PRKCB: variants seen among roughly 807,000 people sequenced by gnomAD.
PRKCB encodes the protein protein kinase C beta.
A neutral mutation model predicts 81.5 loss-of-function variants in PRKCB; 13 were observed. The ratio of observed to expected loss-of-function variants is 0.16; its 90% CI spans 0.10 to 0.25. PRKCB has a LOEUF of 0.25. Ranked by LOEUF, PRKCB falls within the 10% of genes least tolerant of loss-of-function variation. PRKCB has a pLI of 1.00. For synonymous variants in PRKCB, 335 were observed against 321.4 expected (o/e 1.04, Z -0.45); for missense variants, 509 against 875.7 (o/e 0.58, Z 5.29).
chr16:24,210,215 T>C (rs1439514971), intron 16 of PRKCB, among the ~76,000 whole-genome samples: 1 of 152,206 alleles, frequency 6.6e-6, no homozygotes, highest in East Asian at 1.9e-4. Flanking sequence ...GAAAATCCAC[T>C]GTCCTTACAT....
chr16:23,899,430 T>G (rs1381581850), intron 2 of PRKCB, among the ~76,000 whole-genome samples: 1 of 152,196 alleles, frequency 6.6e-6, no homozygotes, highest in Non-Finnish European at 1.5e-5. Context: ...CTGCTGAGGA[T>G]CAGGGCCATT....
At chr16:24,056,251 T>A (rs571492920) in intron 5 of PRKCB, among the ~76,000 whole-genome samples, 1 of 152,320 alleles carries the variant, frequency 6.6e-6, no homozygotes, top group East Asian at 1.9e-4. Flanking sequence ...CATTCATACC[T>A]CCTGGCATCA....
chr16:23,862,579 G>C (rs1004948003), intron 2 of PRKCB, among the ~76,000 whole-genome samples: 1 of 152,108 alleles, frequency 6.6e-6, no homozygotes, highest in East Asian at 1.9e-4. Context: ...GTTCACTTTC[G>C]AGTAATTTCA....
At chr16:24,082,977 C>G (rs1966269064) in intron 5 of PRKCB, among the ~76,000 whole-genome samples, 1 of 152,164 alleles carries the variant, frequency 6.6e-6, no homozygotes, top group Non-Finnish European at 1.5e-5. Context: ...TCAGAACTCT[C>G]AGACTCATTT....
chr16:24,107,898 G>C (rs1966598720), intron 7 of PRKCB, among the ~76,000 whole-genome samples: 1 of 152,206 alleles, frequency 6.6e-6, no homozygotes, highest in African/African-American at 2.4e-5. Flanking sequence ...AAATACTCTA[G>C]ATGGTTCACA....
chr16:23,952,036 G>A (rs1398225923), intron 2 of PRKCB, among the ~76,000 whole-genome samples: 1 of 152,204 alleles, frequency 6.6e-6, no homozygotes, highest in Admixed American at 6.5e-5. Flanking sequence ...CTAGGGACTA[G>A]TGCAAAGCTG....
chr16:24,078,593 C>T (rs1308450458), intron 5 of PRKCB, among the ~76,000 whole-genome samples: 2 of 152,166 alleles, frequency 1.3e-5, no homozygotes, highest in Non-Finnish European at 2.9e-5. Context: ...TGCATCAAGC[C>T]CTGAAAACTC....
In PRKCB at chr16:24,185,097, C is replaced by T. The variant is rs546089598; in HGVS notation, c.1534-14C>T. 1.2e-4 allele frequency: 191 copies of T among 1,612,272 alleles called. 2 individuals carry two copies. The South Asian group carries it at 1.9e-3, about 16-fold the overall frequency. On this transcript the variant is annotated splice_polypyrimidine_tract_variant and intron_variant, in intron 13 of 16. Coordinates refer to ENST00000643927, the MANE Select transcript of PRKCB (RefSeq NM_002738.7). The stretch of plus-strand genomic sequence containing the variant: ...ACTGCAAACCTCCCTGATAGGGTGC[C>T]TTCTCTTTTCTAGATAATTGCTTAT...
At chr16:23,999,944 T>C (rs543834781) in intron 3 of PRKCB, among the ~76,000 whole-genome samples, 1 of 152,174 alleles carries the variant, frequency 6.6e-6, no homozygotes, top group African/African-American at 2.4e-5. Context: ...TCGGCCTGTG[T>C]GATTTGGCTC....
chr16:24,051,330 T>C (rs1336362392), intron 5 of PRKCB, among the ~76,000 whole-genome samples: 1 of 152,148 alleles, frequency 6.6e-6, no homozygotes, highest in East Asian at 1.9e-4. Context: ...ACTCTGGGTG[T>C]AGAGGCTGTC....
chr16:23,873,328 G>A (rs1415504244), intron 2 of PRKCB, among the ~76,000 whole-genome samples: 3 of 150,680 alleles, frequency 2.0e-5, no homozygotes, highest in Admixed American at 1.3e-4. Flanking sequence ...AGCCGAAATC[G>A]TGCCATTGCA....
At chr16:24,193,287 G>C (rs1278368599) in intron 16 of PRKCB, among the ~76,000 whole-genome samples, 1 of 151,466 alleles carries the variant, frequency 6.6e-6, no homozygotes, top group Non-Finnish European at 1.5e-5. Context: ...TACTAAAAAA[G>C]TACAAAAAAT....
At chr16:23,876,321 A>G (rs1369992832) in intron 2 of PRKCB, among the ~76,000 whole-genome samples, 6 of 152,200 alleles carry the variant, frequency 3.9e-5, no homozygotes, top group Admixed American at 3.9e-4. Context: ...TGGAAGTTTA[A>G]CTTGTCACTA....
chr16:23,918,084 G>C (rs1963768918), intron 2 of PRKCB, among the ~76,000 whole-genome samples: 2 of 152,182 alleles, frequency 1.3e-5, no homozygotes, highest in South Asian at 4.1e-4. Flanking sequence ...AGACTTCTTA[G>C]AGCCGGCTGG....
intron 2 of PRKCB, among the ~76,000 whole-genome samples, chr16:23,949,965 C>T (rs900570037): frequency 6.6e-6 from 1 of 151,912 alleles, no homozygotes; most frequent in Non-Finnish European, 1.5e-5. Context: ...ACACCCAGAG[C>T]CTCTCCTTTC....
At chr16:23,965,132 A>G (rs1251482708) in intron 2 of PRKCB, among the ~76,000 whole-genome samples, 4 of 152,176 alleles carry the variant, frequency 2.6e-5, no homozygotes, top group Admixed American at 2.6e-4. Flanking sequence ...ACCTGATAGT[A>G]GTTTTTGATC....
At chr16:23,933,902 C>CCCGT in intron 2 of PRKCB, among the ~76,000 whole-genome samples, 1 of 132,584 alleles carries the variant, frequency 7.5e-6, no homozygotes, top group East Asian at 2.3e-4. Context: ...CAATTTTCTA[C>CCCGT]CCATCCATCC....
chr16:24,015,702 C>G (rs113414394), intron 3 of PRKCB, among the ~76,000 whole-genome samples: 51 of 152,360 alleles, frequency 3.3e-4, no homozygotes, highest in African/African-American at 1.2e-3. Context: ...TGTAAATTCT[C>G]TAAGCACTGA....
intron 6 of PRKCB, 144 bp from the exon 7 acceptor site, chr16:24,094,019 C>G (rs1966409038): frequency 1.0e-6 from 1 of 956,292 alleles, no homozygotes; most frequent in Non-Finnish European, 1.5e-6. Context: ...GGAGAGCTAG[C>G]CTGGGATGGA....
Sources: allele counts gnomAD v4.1 joint callset (sites outside exome capture counted in the v4.1 genomes callset), GRCh38; gene constraint gnomAD v4.1.1; transcripts MANE v1.5; gene names NCBI Gene and HGNC (gene_info 2026-07-23, HGNC 2026-07-21).